NRXN3: variants seen among roughly 807,000 people sequenced by gnomAD.
NRXN3 encodes the protein neurexin III.
NRXN3 carries 32 observed loss-of-function variants against 137.6 expected under a neutral mutation model. The ratio of observed to expected loss-of-function variants is 0.23; its 90% confidence interval spans 0.18 to 0.31. The LOEUF (loss-of-function observed/expected upper bound fraction) is 0.31. Ranked by LOEUF, NRXN3 falls within the 10% of genes least tolerant of loss-of-function variation. The pLI is 1.00. For synonymous variants in NRXN3, 798 were observed against 784.5 expected (o/e 1.02, Z -0.29); for missense variants, 1,574 against 2,062.5 (o/e 0.76, Z 4.59).
intron 11 of NRXN3, among the ~76,000 whole-genome samples, chr14:78,960,961 T>C (rs2099406947): frequency 6.6e-6 from 1 of 152,124 alleles, no homozygotes; most frequent in African/African-American, 2.4e-5. Flanking sequence ...TAGGAGACTT[T>C]AATAAGCTAA....
intron 15 of NRXN3, among the ~76,000 whole-genome samples, chr14:79,005,278 C>T (rs1312354850): frequency 1.3e-5 from 2 of 152,180 alleles, no homozygotes; most frequent in Non-Finnish European, 2.9e-5. Flanking sequence ...TTTCTTGGCC[C>T]CTGCCTTACA....
At chr14:78,639,966 C>T (rs1008378240) in intron 4 of NRXN3, among the ~76,000 whole-genome samples, 3 of 151,960 alleles carry the variant, frequency 2.0e-5, no homozygotes, top group African/African-American at 7.3e-5. Context: ...TGCAAATGGC[C>T]CTAGAATCCT....
chr14:79,057,731 G>C (rs1211377434), intron 15 of NRXN3, among the ~76,000 whole-genome samples: 1 of 152,166 alleles, frequency 6.6e-6, no homozygotes, highest in African/African-American at 2.4e-5. Flanking sequence ...TAAGGGGAGA[G>C]TTGGCAAGAA....
intron 8 of NRXN3, among the ~76,000 whole-genome samples, chr14:78,752,440 AAGG>A (rs1270203096): frequency 2.0e-5 from 3 of 152,170 alleles, no homozygotes; most frequent in Non-Finnish European, 4.4e-5. Context: ...GAAAGAGTAA[AAGG>A]AGAATAATAA....
intron 4 of NRXN3, among the ~76,000 whole-genome samples, chr14:78,494,653 C>A (rs538590955): frequency 3.3e-5 from 5 of 152,136 alleles, no homozygotes; most frequent in Non-Finnish European, 7.4e-5. Context: ...TGTCTAGAGC[C>A]AGCCCAAAAA....
intron 18 of NRXN3, among the ~76,000 whole-genome samples, chr14:79,697,099 A>ACTAGTATTTTACTACT (rs1172476878): frequency 3.9e-5 from 6 of 151,984 alleles, no homozygotes; most frequent in Non-Finnish European, 7.4e-5. Flanking sequence ...TCATTTTTAC[A>ACTAGTATTTTACTACT]AGTATGCAAT....
At chr14:79,335,289 GC>G (rs1440840859) in intron 15 of NRXN3, among the ~76,000 whole-genome samples, 1 of 152,090 alleles carries the variant, frequency 6.6e-6, no homozygotes, top group African/African-American at 2.4e-5. Context: ...AAGTAGCTGT[GC>G]TTGCACTGGG....
At chr14:79,109,693 A>G (rs924898750) in intron 15 of NRXN3, among the ~76,000 whole-genome samples, 1 of 152,098 alleles carries the variant, frequency 6.6e-6, no homozygotes, top group Non-Finnish European at 1.5e-5. Flanking sequence ...TGACCATTTT[A>G]GCAATTGTAC....
At chr14:78,886,471 T>C (rs1458997401) in intron 10 of NRXN3, among the ~76,000 whole-genome samples, 1 of 152,016 alleles carries the variant, frequency 6.6e-6, no homozygotes, top group East Asian at 1.9e-4. Context: ...TCCCTTCCTT[T>C]TTTCTCTTTT....
At chr14:79,025,097 T>G (rs1335049329) in intron 15 of NRXN3, among the ~76,000 whole-genome samples, 3 of 152,172 alleles carry the variant, frequency 2.0e-5, no homozygotes, top group Non-Finnish European at 4.4e-5. Flanking sequence ...TGAGAGTTTA[T>G]CATTTTTCTC....
intron 16 of NRXN3, among the ~76,000 whole-genome samples, chr14:79,534,942 G>T (rs1181598993): frequency 6.6e-6 from 1 of 152,150 alleles, no homozygotes; most frequent in Non-Finnish European, 1.5e-5. Flanking sequence ...AAAAGCATTG[G>T]TCTCTTTCTA....
At chr14:78,326,711 TAC>T (rs2080135006) in intron 4 of NRXN3, among the ~76,000 whole-genome samples, 1 of 152,218 alleles carries the variant, frequency 6.6e-6, no homozygotes, top group Admixed American at 6.5e-5. Context: ...GCTCTGAAGT[TAC>T]ACATTTAATT....
At position 78,762,443 on chromosome 14, in the gene NRXN3, G is replaced by A. The variant is rs374484645; in HGVS notation, c.2045-41177G>A. Among the ~76,000 whole-genome samples the A allele has an allele frequency of 1.6e-4, 24 of 152,236 alleles. 1 individual carries two copies. The highest frequency in any genetic ancestry group is 1.4e-3 in the East Asian group (7 of 5,174). ...GGGACTTTGCCTCTCAGAAAGCTAC[G>A]CAATCTCTTTGAGTCTCAGTTTCCT... On this transcript the variant is annotated intron_variant, in intron 8 of 20. Coordinates refer to ENST00000335750, the MANE Select transcript of NRXN3 (RefSeq NM_001330195.2).
intron 4 of NRXN3, among the ~76,000 whole-genome samples, chr14:78,591,590 T>C (rs1406550416): frequency 6.6e-6 from 1 of 152,194 alleles, no homozygotes; most frequent in Admixed American, 6.5e-5. Flanking sequence ...TATGATGCGA[T>C]GTTTCTGTTA....
At chr14:79,169,159 C>T (rs2061549256) in intron 15 of NRXN3, among the ~76,000 whole-genome samples, 1 of 152,018 alleles carries the variant, frequency 6.6e-6, no homozygotes, top group South Asian at 2.1e-4. Flanking sequence ...CTTAGATTAG[C>T]GTTTGTTACT....
intron 8 of NRXN3, among the ~76,000 whole-genome samples, chr14:78,720,196 T>G (rs2098453182): frequency 6.6e-6 from 1 of 152,186 alleles, no homozygotes; most frequent in Non-Finnish European, 1.5e-5. Context: ...ATCTATATGT[T>G]AGTGACTTCC....
chr14:79,731,543 A>G (rs1675580097), intron 19 of NRXN3, among the ~76,000 whole-genome samples: 1 of 152,212 alleles, frequency 6.6e-6, no homozygotes, highest in South Asian at 2.1e-4. Flanking sequence ...ATTTAAGCAC[A>G]AATAAAACTC....
At chr14:79,668,390 G>T (rs909347281) in intron 17 of NRXN3, among the ~76,000 whole-genome samples, 30 of 151,926 alleles carry the variant, frequency 2.0e-4, no homozygotes, top group Non-Finnish European at 4.0e-4. Flanking sequence ...ACAGGGTTTG[G>T]TATTATTACT....
chr14:79,630,219 T>C (rs1414093212), intron 16 of NRXN3, among the ~76,000 whole-genome samples: 1 of 152,242 alleles, frequency 6.6e-6, no homozygotes, highest in Non-Finnish European at 1.5e-5. Context: ...TGCTGGTTTC[T>C]GCTAAAAGGG....
Sources: gnomAD v4.1 joint callset for allele counts (sites outside exome capture counted in the v4.1 genomes callset) on GRCh38, gnomAD v4.1.1 for gene constraint, MANE v1.5 for transcripts, NCBI Gene and HGNC (gene_info 2026-07-23, HGNC 2026-07-21) for gene names.